PIH1D1: variants seen among roughly 807,000 people sequenced by gnomAD.
The protein encoded by PIH1D1 is PIH1 domain containing 1.
A neutral mutation model predicts 38.5 loss-of-function variants in PIH1D1; 28 were observed. That is an observed-to-expected ratio of 0.73 (90% CI 0.54 to 1.00). PIH1D1 has a LOEUF of 1.00. Among genes scored for constraint, PIH1D1 ranks in the 50% least tolerant of loss-of-function variants. The pLI, the probability that PIH1D1 is intolerant of heterozygous loss-of-function variation, is 0.00. For synonymous variants in PIH1D1, 155 were observed against 153.5 expected (o/e 1.01, Z -0.07); for missense variants, 343 against 369.9 (o/e 0.93, Z 0.60).
chr19:49,449,793 T>TA, intron 2 of PIH1D1, 139 bp from the exon 3 acceptor site: 1 of 502,162 alleles, frequency 2.0e-6, no homozygotes. Flanking sequence ...CCCTCACTTC[T>TA]CTTTTTTTTT....
At chr19:49,447,617 T>G in intron 5 of PIH1D1, 150 bp from the exon 6 acceptor site, 1 of 992,228 alleles carries the variant, frequency 1.0e-6, no homozygotes, top group Admixed American at 2.2e-5. Flanking sequence ...CCCGCCCACC[T>G]TAGTCACGCC....
intron 1 of PIH1D1, 132 bp downstream of exon 1, chr19:49,451,353 T>A: frequency 7.6e-7 from 1 of 1,323,536 alleles, no homozygotes; most frequent in Non-Finnish European, 1.0e-6. Context: ...CTTAGCAAAC[T>A]TGAAGCCCAT....
At position 49,447,013 on chromosome 19, in the gene PIH1D1, G is replaced by A. The variant is rs1457999068; in HGVS notation, c.687+11C>T. Reference sequence around the variant, plus strand: ...TCATTCCCCTGCTCTGGTCCAGCGCGCAAAACTCACCAGTTTGGGGAGGTC... The same window carrying A: ...TCATTCCCCTGCTCTGGTCCAGCGCACAAAACTCACCAGTTTGGGGAGGTC... On this transcript the variant is annotated intron_variant, in intron 7 of 8. Coordinates refer to ENST00000262265, the MANE Select transcript of PIH1D1 (RefSeq NM_017916.3). 2 of 1,606,944 alleles carry A rather than the reference G, an allele frequency of 1.2e-6. No homozygotes were observed. The highest frequency in any genetic ancestry group is 1.7e-6 in the Non-Finnish European group (2 of 1,173,796).
chr19:49,450,719 T>C, intron 2 of PIH1D1, 63 bp downstream of exon 2: 1 of 667,046 alleles, frequency 1.5e-6, no homozygotes, highest in Non-Finnish European at 2.2e-6. Context: ...GTCTCTTTCC[T>C]TCCTCCTCTC....
chr19:49,447,465 AT>A lies in PIH1D1; in HGVS notation c.483del (p.Glu161AspfsTer4). 6.2e-7 allele frequency: 1 copy of A among 1,608,684 alleles called. No individual in the cohort carries two copies. Among genetic ancestry groups the A allele is most frequent in the East Asian group, 2.2e-5 (1 of 44,874 alleles). On this transcript the variant is annotated frameshift_variant and splice_region_variant, in exon 6 of 9. Coordinates refer to ENST00000262265, the MANE Select transcript of PIH1D1 (RefSeq NM_017916.3). LOFTEE classifies it high-confidence loss of function. ...AATGGCCGGTTCTTCATCATGCGCCATTCTGAGGGTCAGGAGCGCCGTCAAA... is the reference window on the plus strand; with the variant it reads ...AATGGCCGGTTCTTCATCATGCGCCATCTGAGGGTCAGGAGCGCCGTCAAA... ...EDKYNLQLNPEWRMMKNRPFM... is the reference protein window; with the variant it reads ...EDKYNLQLNPXWRMMKNRPFM...
chr19:49,450,450 GCT>G (rs2079051573), intron 2 of PIH1D1, among the ~76,000 whole-genome samples: 1 of 151,452 alleles, frequency 6.6e-6, no homozygotes, highest in Non-Finnish European at 1.5e-5. Flanking sequence ...ACAGAGTCTC[GCT>G]CTGTCACCCA....
Position 49,449,503 on chromosome 19 carries a change from C to G in PIH1D1, c.309G>C (p.Leu103=). 1 of 1,614,204 alleles carries G rather than the reference C, an allele frequency of 6.2e-7. No individual in the cohort carries two copies. Among genetic ancestry groups the G allele is most frequent in the Non-Finnish European group, 8.5e-7 (1 of 1,180,020 alleles). Residue 103 remains leucine (L), a synonymous_variant, in exon 3 of 9, where the codon CTG becomes CTC. Transcript: ENST00000262265. ...CATCCAGTTCTGCATGAGGCTCTCC[C>G]AGACTCATGGGGATGCGAAACCCAG... The part of the protein sequence containing the change: ...DQAGFRIPMS[L]GEPHAELDAK...
chr19:49,446,410 G>A lies in PIH1D1; in HGVS notation c.845C>T (p.Ala282Val). ...FHRKRKQLMV[A>V]MPLLPVPS ...AGAAGGCACCGGCAGAAGCGGCATGGCCACCATTAATTGCTGAGGAGACAG... is the reference window on the plus strand; with the variant it reads ...AGAAGGCACCGGCAGAAGCGGCATGACCACCATTAATTGCTGAGGAGACAG... Residue 282 changes from alanine (A) to valine (V), a missense_variant, in exon 9 of 9, where the codon GCC becomes GTC. Physicochemically the swap from Ala to Val is moderately conservative, Grantham distance 64. Coordinates refer to ENST00000262265, the MANE Select transcript of PIH1D1 (RefSeq NM_017916.3). 1 of 924,296 alleles carries A rather than the reference G, an allele frequency of 1.1e-6. No homozygotes were observed. The allele number at this position is 924,296 out of a possible 1,614,324, so 57.3% of individuals were successfully genotyped here.
rs1035894180 is a variant in PIH1D1 at position 49,447,380 on chromosome 19, A to G, written c.569T>C (p.Leu190Pro). The change falls in exon 6 of 9, where the codon CTG (leucine) becomes CCG (proline). Residue 190 changes from leucine to proline, a missense_variant. Physicochemically the swap from Leu to Pro is moderately conservative, Grantham distance 98. Coordinates refer to ENST00000262265, the MANE Select transcript of PIH1D1 (RefSeq NM_017916.3). The stretch of plus-strand genomic sequence containing the variant: ...GGGGGCGGGCGTGTACAGGTCCCCC[A>G]GCTCCTGGATCCGAGGACGCTGCTC... ...RSEQRPRIQE[L>P]GDLYTPAPGR... The G allele has an allele frequency of 6.2e-7, 1 of 1,613,824 alleles. No homozygotes were observed. The highest frequency in any genetic ancestry group is 8.5e-7 in the Non-Finnish European group (1 of 1,179,980).
In PIH1D1 at chr19:49,451,473, C is replaced by A; in HGVS notation, c.90+12G>T. ...CCGAATACTCAAGGATCCAGGGGTC[C>A]GGTCACTGCACCTGCAGCAGCAGCT... On this transcript the variant is annotated intron_variant, in intron 1 of 8. Transcript: ENST00000262265. The A allele has an allele frequency of 6.2e-7, 1 of 1,613,600 alleles. No individual in the cohort carries two copies. The highest frequency in any genetic ancestry group is 8.5e-7 in the Non-Finnish European group (1 of 1,179,940).
chr19:49,447,470 G>A lies in PIH1D1; in HGVS notation c.482-3C>T, dbSNP rs774033790. On this transcript the variant is annotated splice_polypyrimidine_tract_variant and splice_region_variant and intron_variant, in intron 5 of 8. Coordinates refer to ENST00000262265, the MANE Select transcript of PIH1D1 (RefSeq NM_017916.3). ...CCGGTTCTTCATCATGCGCCATTCT[G>A]AGGGTCAGGAGCGCCGTCAAACATC... is the stretch of plus-strand genomic sequence containing the variant. 8.7e-6 allele frequency: 14 copies of A among 1,607,528 alleles called. No homozygotes were observed. Among genetic ancestry groups the A allele is most frequent in the African/African-American group, 1.3e-5 (1 of 74,910 alleles).
Position 49,451,624 on chromosome 19 carries a change from C to T in PIH1D1, c.-50G>A, listed in dbSNP as rs375963271. 8.3e-4 allele frequency: 1,338 copies of T among 1,604,408 alleles called. 18 individuals carry two copies. The South Asian group carries it at 0.014, about 17-fold the overall frequency. ...TCCTCGAGACCCTCAACGTGGGAAA[C>T]TTTGCCCAGGATCCGAACCCCAGTG... is the stretch of plus-strand genomic sequence containing the variant. On this transcript the variant is annotated 5_prime_UTR_variant, in exon 1 of 9. Coordinates refer to ENST00000262265, the MANE Select transcript of PIH1D1 (RefSeq NM_017916.3).
chr19:49,451,425 C>T, intron 1 of PIH1D1, 60 bp downstream of exon 1: 2 of 1,608,936 alleles, frequency 1.2e-6, no homozygotes, highest in East Asian at 2.2e-5. Context: ...GCAGTCCCAT[C>T]TTTGAGCACC....
In PIH1D1 at chr19:49,448,047, G is replaced by A. The variant is rs748040133; in HGVS notation, c.353C>T (p.Thr118Ile). ...GCTGTTGACAGCTACGTCGTAGGCG[G>A]TACATCCCTGGCCTTCTGCGGGGAG... ...AELDAKGQGC[T>I]AYDVAVNSDF... The change falls in exon 4 of 9, where the codon ACC becomes ATC. Residue 118 changes from threonine (T) to isoleucine (I), a missense_variant. Thr to Ile is a moderately conservative substitution (Grantham distance 89). Coordinates refer to ENST00000262265, the MANE Select transcript of PIH1D1 (RefSeq NM_017916.3). The A allele has an allele frequency of 6.2e-7, 1 of 1,614,204 alleles. No homozygotes were observed. Among genetic ancestry groups the A allele is most frequent in the Non-Finnish European group, 8.5e-7 (1 of 1,180,026 alleles).
rs773077831 is a variant in PIH1D1, at chr19:49,446,584, A to G, written c.798T>C (p.His266=). The G allele has an allele frequency of 9.9e-6, 16 of 1,613,434 alleles. No individual in the cohort carries two copies. Among genetic ancestry groups the G allele is most frequent in the African/African-American group, 1.3e-5 (1 of 74,750 alleles). ...TCCGGTGGAAGGCTGCCTTGCTCTC[A>G]TGAGAGTTGATCTGCAGCGGGATAT... The part of the protein sequence containing the change: ...DAYIPLQINS[H]ESKAAFHRKR... Residue 266 remains histidine, a synonymous_variant, in exon 8 of 9, where the codon CAT becomes CAC. Transcript: ENST00000262265.
rs2079029811 is a variant in PIH1D1, at chr19:49,447,345, C to G, written c.604G>C (p.Glu202Gln). The G allele has an allele frequency of 6.2e-7, 1 of 1,613,944 alleles. No individual in the cohort carries two copies. Among genetic ancestry groups the G allele is most frequent in the Non-Finnish European group, 8.5e-7 (1 of 1,179,968 alleles). The change falls in exon 6 of 9, where the codon GAG (glutamate) becomes CAG (glutamine). Residue 202 changes from glutamate to glutamine, a missense_variant. Physicochemically the swap from Glu to Gln is conservative, Grantham distance 29 (BLOSUM62 2). Coordinates refer to ENST00000262265, the MANE Select transcript of PIH1D1 (RefSeq NM_017916.3). ...GATCTACCGAAGGCCCACCCTGACT[C>G]AGCTCTCCCGGGGGCGGGCGTGTAC... is the stretch of plus-strand genomic sequence containing the variant. The part of the protein sequence containing the change: ...DLYTPAPGRA[E>Q]SGPEKPHLNL...
intron 2 of PIH1D1, among the ~76,000 whole-genome samples, chr19:49,450,219 T>C (rs1290822626): frequency 1.3e-5 from 2 of 152,008 alleles, no homozygotes; most frequent in African/African-American, 2.4e-5. Flanking sequence ...GCCTCGTGAG[T>C]AGCTATGACT....
intron 1 of PIH1D1, 190 bp downstream of exon 1, chr19:49,451,295 G>C (rs112179862): frequency 0.013 from 9,273 of 688,054 alleles, 479 homozygotes; most frequent in Admixed American, 0.12. Context: ...TCCCAAAGTG[G>C]TGGGATTACA....
Position 49,446,683 on chromosome 19 carries a change from C to G in PIH1D1, c.699G>C (p.Leu233=). 6.4e-7 allele frequency: 1 copy of G among 1,572,158 alleles called. No individual in the cohort carries two copies. The highest frequency in any genetic ancestry group is 1.7e-4 in the Middle Eastern group (1 of 5,854). The part of the protein sequence containing the change: ...EVDLPKLDGA[L]GLSLEIGENR... ...TCTCCCCGATCTCCAGCGACAGCCCCAGGGCTCCATCCTGGAGAGGTGGCG... is the reference window on the plus strand; with the variant it reads ...TCTCCCCGATCTCCAGCGACAGCCCGAGGGCTCCATCCTGGAGAGGTGGCG... The change falls in exon 8 of 9, where the codon CTG becomes CTC. Residue 233 remains leucine, a synonymous_variant. Coordinates refer to ENST00000262265, the MANE Select transcript of PIH1D1 (RefSeq NM_017916.3).
Sources: allele counts gnomAD v4.1 joint callset (sites outside exome capture counted in the v4.1 genomes callset), GRCh38; gene constraint gnomAD v4.1.1; transcripts MANE v1.5; gene names NCBI Gene and HGNC (gene_info 2026-07-23, HGNC 2026-07-21).